The following GFM1 variants were observed in gnomAD, a reference collection of about 807,000 sequenced individuals.
GFM1 encodes the protein G elongation factor mitochondrial 1.
Under a neutral mutation model 96.2 loss-of-function variants are expected in GFM1, and 62 were observed. The observed-to-expected ratio is 0.64, with a 90% CI of 0.53 to 0.80. The LOEUF is 0.80. GFM1 is among the 30% of genes least tolerant of loss of function. The pLI, the probability that GFM1 is intolerant of heterozygous loss-of-function variation, is 0.00. For missense variants in GFM1, 852 were observed against 916.6 expected, an observed-to-expected ratio of 0.93 and a Z score of 0.91; for synonymous variants, 282 against 312.9, an observed-to-expected ratio of 0.90 and a Z score of 1.04.
At position 158,653,367 on chromosome 3, in the gene GFM1, G is replaced by A. The variant is rs753396715; in HGVS notation, c.898G>A (p.Ala300Thr). 24 of 1,613,240 alleles carry A rather than the reference G, an allele frequency of 1.5e-5. No individual in the cohort carries two copies. The highest frequency in any genetic ancestry group is 6.7e-5 in the East Asian group (3 of 44,830). Reference sequence around the variant, plus strand: ...ATTTACTCCTGTATTTTTGGGAAGCGCCTTGAAGAACAAAGGAGTTCAGCC... The same window carrying A: ...ATTTACTCCTGTATTTTTGGGAAGCACCTTGAAGAACAAAGGAGTTCAGCC... ...RSFTPVFLGS[A>T]LKNKGVQPLL... is the part of the protein sequence containing the mutation. The change falls in exon 7 of 18, where the codon GCC (alanine) becomes ACC (threonine). Residue 300 changes from alanine (A) to threonine (T), a missense_variant. Transcript: ENST00000486715.
intron 13 of GFM1, among the ~76,000 whole-genome samples, chr3:158,674,883 T>G (rs1354027346): frequency 1.3e-5 from 2 of 152,180 alleles, no homozygotes; most frequent in Non-Finnish European, 2.9e-5. Flanking sequence ...GAATATCTAG[T>G]CCAAATAAAC....
At chr3:158,665,861 A>T (rs1179416749) in intron 12 of GFM1, among the ~76,000 whole-genome samples, 1 of 152,174 alleles carries the variant, frequency 6.6e-6, no homozygotes, top group Non-Finnish European at 1.5e-5. Flanking sequence ...TATAATATAG[A>T]TAAAAGGAAG....
At chr3:158,667,943 A>G (rs1723871876) in intron 13 of GFM1, among the ~76,000 whole-genome samples, 1 of 152,256 alleles carries the variant, frequency 6.6e-6, no homozygotes, top group African/African-American at 2.4e-5. Flanking sequence ...AGTAATTTGA[A>G]CACAAAACTT....
intron 12 of GFM1, 90 bp from the exon 13 acceptor site, chr3:158,666,214 T>C: frequency 2.4e-6 from 2 of 841,528 alleles, no homozygotes; most frequent in Middle Eastern, 2.7e-4. Context: ...TATATTTAAG[T>C]GAATGCTACT....
chr3:158,676,746 C>T (rs1253746810), intron 13 of GFM1, among the ~76,000 whole-genome samples: 1 of 150,022 alleles, frequency 6.7e-6, no homozygotes, highest in African/African-American at 2.5e-5. Context: ...ATCACCCAGG[C>T]TGGAGTGCAG....
rs2108120764 is a variant in GFM1 at position 158,691,587 on chromosome 3, CTCT to C, written c.*125_*127del. ...AGAAATTCTGAGCCCAGGAAGCGGG[CTCT>C]TCTTTCTTCAAAAGAAGCCCTTCTT... On this transcript the variant is annotated 3_prime_UTR_variant, in exon 18 of 18. Transcript: ENST00000486715. The C allele has an allele frequency of 9.1e-7, 1 of 1,095,178 alleles. No homozygotes were observed. Among genetic ancestry groups the C allele is most frequent in the Non-Finnish European group, 1.4e-6 (1 of 729,634 alleles). 67.8% of individuals were successfully genotyped at this position (1,095,178 alleles called of 1,614,324 possible).
intron 11 of GFM1, among the ~76,000 whole-genome samples, chr3:158,664,672 C>A (rs1221347813): frequency 6.6e-6 from 1 of 152,212 alleles, no homozygotes; most frequent in African/African-American, 2.4e-5. Context: ...GTTGTATCCA[C>A]CTAGATAATT....
chr3:158,684,456 G>T (rs556651084), intron 14 of GFM1, 68 bp from the exon 15 acceptor site: 90 of 1,481,256 alleles, frequency 6.1e-5, no homozygotes, highest in Non-Finnish European at 7.6e-5. Context: ...CAAATATTTT[G>T]GGGTTCTTGA....
Position 158,652,173 on chromosome 3 carries a change from G to T in GFM1, c.767G>T (p.Cys256Phe). 4 of 1,613,924 alleles carry T rather than the reference G, an allele frequency of 2.5e-6. No individual in the cohort carries two copies. The highest frequency in any genetic ancestry group is 3.4e-6 in the Non-Finnish European group (4 of 1,179,798). The change falls in exon 6 of 18, where the codon TGT becomes TTT. Residue 256 changes from cysteine to phenylalanine, a missense_variant. Physicochemically the swap from Cys to Phe is radical, Grantham distance 205. Coordinates refer to ENST00000486715, the MANE Select transcript of GFM1 (RefSeq NM_024996.7). ...GACCACCGGCAGGAGCTAATTGAAT[G>T]TGTTGCCAATTCAGATGAACAGCTT... ...ATDHRQELIE[C>F]VANSDEQLGE...
intron 13 of GFM1, chr3:158,667,019 G>A (rs549959827): frequency 3.9e-5 from 62 of 1,596,596 alleles, no homozygotes; most frequent in Non-Finnish European, 5.2e-5. Flanking sequence ...TACCTGAGAT[G>A]CTATATTATG....
chr3:158,649,576 T>G (rs1722124847), intron 5 of GFM1: 1 of 196,890 alleles, frequency 5.1e-6, no homozygotes, highest in Non-Finnish European at 1.0e-5. Flanking sequence ...TATTTGCTCT[T>G]CCTGCTTTAT....
chr3:158,644,873 C>CATT, intron 1 of GFM1, 158 bp downstream of exon 1: 1 of 667,788 alleles, frequency 1.5e-6, no homozygotes. Flanking sequence ...GGTGCCTGCA[C>CATT]ATTAGCTCGT....
chr3:158,695,255 C>T lies in GFM1; in HGVS notation c.*3788C>T. The T allele has an allele frequency of 6.6e-6, 1 of 152,212 alleles. No homozygotes were observed. 9.4% of individuals were successfully genotyped at this position (152,212 alleles called of 1,614,324 possible). A position where few individuals can be genotyped will look rare whatever the true frequency, so the allele number is the denominator to read the frequency against. Reference sequence around the variant, plus strand: ...CGGGCGGGGTGGCTCACGCCTGTAGCCCCAGCTGCTCAGGAGGCTGAGGCA... The same window carrying T: ...CGGGCGGGGTGGCTCACGCCTGTAGTCCCAGCTGCTCAGGAGGCTGAGGCA... On this transcript the variant is annotated 3_prime_UTR_variant, in exon 18 of 18. Transcript: ENST00000486715.
At chr3:158,681,347 A>AGTATATATGT (rs1725365634) in intron 13 of GFM1, among the ~76,000 whole-genome samples, 1 of 152,202 alleles carries the variant, frequency 6.6e-6, no homozygotes, top group African/African-American at 2.4e-5. Context: ...ACATATCTTT[A>AGTATATATGT]GTATATATGT....
Position 158,693,080 on chromosome 3 carries a change from G to C in GFM1, c.*1613G>C, listed in dbSNP as rs1474591743. On this transcript the variant is annotated 3_prime_UTR_variant, in exon 18 of 18. Coordinates refer to ENST00000486715, the MANE Select transcript of GFM1 (RefSeq NM_024996.7). ...TTATGTCCATTTTGTAATAGAAGAA[G>C]CACAGATAAGGTAAATAACTTTAAT... The C allele has an allele frequency of 6.6e-6, 1 of 152,072 alleles. No individual in the cohort carries two copies. Among genetic ancestry groups the C allele is most frequent in the African/African-American group, 2.4e-5 (1 of 41,400 alleles). 9.4% of individuals were successfully genotyped at this position (152,072 alleles called of 1,614,324 possible).
chr3:158,664,497 C>T (rs1292518797), intron 11 of GFM1, among the ~76,000 whole-genome samples: 1 of 152,132 alleles, frequency 6.6e-6, no homozygotes, highest in Non-Finnish European at 1.5e-5. Context: ...AGAGGCTACC[C>T]ACCTTCCTTG....
At chr3:158,645,885 A>G in intron 2 of GFM1, 104 bp downstream of exon 2, 2 of 1,115,780 alleles carry the variant, frequency 1.8e-6, no homozygotes, top group Admixed American at 1.7e-5. Flanking sequence ...AAACAATGGT[A>G]ACAGCGGACT....
chr3:158,685,200 T>G (rs1179067281), intron 15 of GFM1: 1 of 154,836 alleles, frequency 6.5e-6, no homozygotes, highest in Non-Finnish European at 1.4e-5. Flanking sequence ...TATTTGTATT[T>G]AAATGCTGAT....
chr3:158,655,835 A>G (rs1167553302), intron 8 of GFM1: 3 of 457,064 alleles, frequency 6.6e-6, no homozygotes, highest in South Asian at 1.6e-5. Context: ...CCGTCTCACT[A>G]GACAGAAGGA....
Sources: gnomAD v4.1 joint callset for allele counts (sites outside exome capture counted in the v4.1 genomes callset) on GRCh38, gnomAD v4.1.1 for gene constraint, MANE v1.5 for transcripts, NCBI Gene and HGNC (gene_info 2026-07-23, HGNC 2026-07-21) for gene names.